The following HS6ST1 variants were observed in gnomAD, a reference collection of about 807,000 sequenced individuals.
HS6ST1 encodes heparan-sulfate 6-O-sulfotransferase 1.
In HS6ST1, 3 loss-of-function variants were observed where a neutral mutation model predicts 25.2. That is an observed-to-expected ratio of 0.12 (90% CI 0.05 to 0.31). The LOEUF (loss-of-function observed/expected upper bound fraction) is 0.31. Ranked by LOEUF, HS6ST1 falls within the 10% of genes least tolerant of loss-of-function variation. The pLI is 1.00. For missense variants in HS6ST1, 310 were observed against 609.6 expected, an observed-to-expected ratio of 0.51 and a Z score of 5.18; for synonymous variants, 204 against 275.1, an observed-to-expected ratio of 0.74 and a Z score of 2.56.
chr2:128,279,033 G>A (rs1693738690), intron 1 of HS6ST1, among the ~76,000 whole-genome samples: 1 of 152,156 alleles, frequency 6.6e-6, no homozygotes, highest in South Asian at 2.1e-4. Flanking sequence ...GATCACAAAA[G>A]CCTCCCCGCT....
chr2:128,288,924 C>T (rs914827457), intron 1 of HS6ST1, among the ~76,000 whole-genome samples: 10 of 152,150 alleles, frequency 6.6e-5, no homozygotes, highest in Non-Finnish European at 1.3e-4. Context: ...CAACTCATGT[C>T]AGGGTCCGAG....
intron 1 of HS6ST1, among the ~76,000 whole-genome samples, chr2:128,307,815 C>T (rs982615242): frequency 1.3e-5 from 2 of 152,140 alleles, no homozygotes; most frequent in African/African-American, 4.8e-5. Flanking sequence ...GAGAACCTCC[C>T]TCTGACACAC....
chr2:128,282,672 CCT>C (rs1297008430), intron 1 of HS6ST1, among the ~76,000 whole-genome samples: 3 of 152,218 alleles, frequency 2.0e-5, no homozygotes, highest in Non-Finnish European at 2.9e-5. Flanking sequence ...TTGAGCCCCA[CCT>C]CTGTGCCTCT....
chr2:128,299,427 C>A (rs1299708824), intron 1 of HS6ST1, among the ~76,000 whole-genome samples: 2 of 152,228 alleles, frequency 1.3e-5, no homozygotes, highest in Non-Finnish European at 2.9e-5. Flanking sequence ...TCTGCTGGCC[C>A]CAGTCTCAGT....
In HS6ST1 at chr2:128,272,948, G is replaced by A. The variant is rs533666286; in HGVS notation, c.528-4078C>T. Among the ~76,000 whole-genome samples the A allele has an allele frequency of 5.3e-5, 8 of 152,218 alleles. No homozygotes were observed. The South Asian group carries it at 6.2e-4, about 12-fold the overall frequency. On this transcript the variant is annotated intron_variant, in intron 1 of 1. Transcript: ENST00000259241. The stretch of plus-strand genomic sequence containing the variant: ...TCTAGCAGGCACCAACAGGGGCAAC[G>A]GCAGGGGAAAGGGGCACCTGAGCCA...
intron 1 of HS6ST1, among the ~76,000 whole-genome samples, chr2:128,296,773 T>C (rs1290154212): frequency 6.6e-6 from 1 of 152,196 alleles, no homozygotes; most frequent in Non-Finnish European, 1.5e-5. Flanking sequence ...CCTACTATCA[T>C]TAAGATGTAA....
At chr2:128,317,979 C>T in intron 1 of HS6ST1, 58 bp downstream of exon 1, 3 of 1,392,400 alleles carry the variant, frequency 2.2e-6, no homozygotes, top group Admixed American at 3.7e-5. Context: ...GCACGGCGGG[C>T]ATACGGCCCG....
chr2:128,286,948 C>T (rs955809607), intron 1 of HS6ST1, among the ~76,000 whole-genome samples: 1 of 152,206 alleles, frequency 6.6e-6, no homozygotes, highest in East Asian at 1.9e-4. Flanking sequence ...CTCCTAGGAG[C>T]CTGAGACTCC....
rs1336134256 is a variant in HS6ST1 at position 128,318,237 on chromosome 2, G to A, written c.327C>T (p.Asn109=). The A allele has an allele frequency of 2.6e-6, 4 of 1,563,462 alleles. No individual in the cohort carries two copies. Among genetic ancestry groups the A allele is most frequent in the Non-Finnish European group, 2.6e-6 (3 of 1,148,930 alleles). ...GTTFGRHLVQ[N]VRLEVPCDCR... ...AGTCGCACGGCACCTCGAGGCGTAC[G>A]TTCTGCACGAGGTGGCGGCCGAAGG... The change falls in exon 1 of 2, where the codon AAC becomes AAT. Residue 109 remains asparagine, a synonymous_variant. Coordinates refer to ENST00000259241, the MANE Select transcript of HS6ST1 (RefSeq NM_004807.3). The surrounding 1 kb of genome is among the most constrained non-coding windows in gnomAD (Gnocchi z 5.7).
At chr2:128,277,970 A>T (rs1693720364) in intron 1 of HS6ST1, among the ~76,000 whole-genome samples, 1 of 152,256 alleles carries the variant, frequency 6.6e-6, no homozygotes, top group East Asian at 1.9e-4. Context: ...CCCCACAATC[A>T]GGTAAGATCT....
intron 1 of HS6ST1, among the ~76,000 whole-genome samples, chr2:128,294,628 G>A (rs1694011548): frequency 6.6e-6 from 1 of 152,020 alleles, no homozygotes; most frequent in Non-Finnish European, 1.5e-5. Flanking sequence ...AGAAGAAGGT[G>A]GGCTACTGGG....
At chr2:128,276,043 A>T (rs1693689821) in intron 1 of HS6ST1, among the ~76,000 whole-genome samples, 1 of 152,240 alleles carries the variant, frequency 6.6e-6, no homozygotes, top group South Asian at 2.1e-4. Context: ...TCAGGACTGG[A>T]TTATGATGGT....
intron 1 of HS6ST1, among the ~76,000 whole-genome samples, chr2:128,302,310 A>G (rs840888): frequency 0.57 from 87,122 of 152,116 alleles, 25,817 homozygotes; most frequent in East Asian, 0.78. Context: ...GCTGAGCTGG[A>G]GCTGTGCAGC....
chr2:128,268,139 C>T lies in HS6ST1; in HGVS notation c.*23G>A, dbSNP rs767353122. The T allele has an allele frequency of 2.0e-5, 31 of 1,547,408 alleles. No individual in the cohort carries two copies. The highest frequency in any genetic ancestry group is 2.5e-5 in the Non-Finnish European group (28 of 1,133,948). On this transcript the variant is annotated 3_prime_UTR_variant, in exon 2 of 2. Coordinates refer to ENST00000259241, the MANE Select transcript of HS6ST1 (RefSeq NM_004807.3). ...TTTATCCCCCACACCCCCCAAGAGG[C>T]CTCCCCGTGGCCACCACCGCCACTA...
chr2:128,273,662 C>T (rs550619033), intron 1 of HS6ST1, among the ~76,000 whole-genome samples: 20 of 152,372 alleles, frequency 1.3e-4, no homozygotes, highest in Non-Finnish European at 2.5e-4. Flanking sequence ...CCTGGCCATC[C>T]TCTGGTCTGG....
intron 1 of HS6ST1, among the ~76,000 whole-genome samples, chr2:128,282,277 T>G (rs1213303497): frequency 6.6e-6 from 1 of 152,218 alleles, no homozygotes; most frequent in African/African-American, 2.4e-5. Context: ...GCGGCAGTAC[T>G]GGGCTGAACC....
Position 128,268,272 on chromosome 2 carries a change from C to T in HS6ST1, c.1126G>A (p.Glu376Lys), listed in dbSNP as rs766302801. Residue 376 changes from glutamate (E) to lysine (K), a missense_variant, in exon 2 of 2, where the codon GAG (glutamate) becomes AAG (lysine). Transcript: ENST00000259241. ...ERREQRLRSR[E>K]ERLLHRAKEA... ...TTGGCCCGGTGCAGCAGACGCTCCT[C>T]GCGGCTCCTCAGGCGCTGCTCCCTG... 21 of 1,612,228 alleles carry T rather than the reference C, an allele frequency of 1.3e-5. No homozygotes were observed. The highest frequency in any genetic ancestry group is 4.4e-5 in the South Asian group (4 of 91,048).
chr2:128,314,408 G>A (rs1047989994), intron 1 of HS6ST1, among the ~76,000 whole-genome samples: 1 of 152,214 alleles, frequency 6.6e-6, no homozygotes, highest in Admixed American at 6.5e-5. Flanking sequence ...GTGCCAAGGT[G>A]GCACGGTGTC....
At chr2:128,297,825 ACT>A (rs1363154752) in intron 1 of HS6ST1, among the ~76,000 whole-genome samples, 1 of 152,172 alleles carries the variant, frequency 6.6e-6, no homozygotes, top group Non-Finnish European at 1.5e-5. Flanking sequence ...CAAGAGTGAA[ACT>A]CTGTTTCAAA....
Sources: allele counts gnomAD v4.1 joint callset (sites outside exome capture counted in the v4.1 genomes callset), GRCh38; gene constraint gnomAD v4.1.1; non-coding constraint Gnocchi (gnomAD v3.1); transcripts MANE v1.5; gene names NCBI Gene and HGNC (gene_info 2026-07-23, HGNC 2026-07-21).